Variants in CACNA2D1 observed in about 807,000 individuals in gnomAD.
The protein encoded by CACNA2D1 is calcium voltage-gated channel auxiliary subunit alpha2delta 1.
Under a neutral mutation model 171.5 loss-of-function variants are expected in CACNA2D1, and 53 were observed. The observed-to-expected ratio is 0.31, with a 90% CI of 0.25 to 0.39. The LOEUF (loss-of-function observed/expected upper bound fraction) is 0.39, where lower values mean the gene tolerates loss of function less well. Ranked by LOEUF, CACNA2D1 falls within the 10% of genes least tolerant of loss-of-function variation. The pLI, the probability that CACNA2D1 is intolerant of heterozygous loss-of-function variation, is 1.00. For missense variants in CACNA2D1, 903 were observed against 1,299.8 expected (o/e 0.69, Z 4.69); for synonymous variants, 442 against 443.1 (o/e 1.00, Z 0.03).
At chr7:82,389,580 C>T (rs1266379457) in intron 1 of CACNA2D1, among the ~76,000 whole-genome samples, 2 of 152,118 alleles carry the variant, frequency 1.3e-5, no homozygotes, top group Admixed American at 6.5e-5. Context: ...CTCCCTGCCC[C>T]CTGACATTTC....
chr7:82,065,235 C>CA (rs1807463989), intron 8 of CACNA2D1, among the ~76,000 whole-genome samples: 1 of 152,144 alleles, frequency 6.6e-6, no homozygotes, highest in African/African-American at 2.4e-5. Flanking sequence ...GTTGAGGAAG[C>CA]AGTTGGAGTT....
chr7:82,053,469 TAAAC>T (rs887820462), intron 10 of CACNA2D1, among the ~76,000 whole-genome samples: 14 of 152,068 alleles, frequency 9.2e-5, no homozygotes, highest in African/African-American at 3.1e-4. Context: ...ATAATAAAAT[TAAAC>T]AAAAGTGTAC....
intron 3 of CACNA2D1, among the ~76,000 whole-genome samples, chr7:82,307,189 G>A (rs887604865): frequency 6.6e-6 from 1 of 152,038 alleles, no homozygotes; most frequent in Non-Finnish European, 1.5e-5. Flanking sequence ...ATAGAGTCTT[G>A]TTCTGTTGCC....
intron 15 of CACNA2D1, chr7:82,009,373 G>A (rs1266801379): frequency 2.0e-5 from 3 of 152,178 alleles, no homozygotes; most frequent in Admixed American, 2.0e-4. Flanking sequence ...CGCTTATAAA[G>A]TCCTAACCAA....
intron 5 of CACNA2D1, among the ~76,000 whole-genome samples, chr7:82,128,740 C>T (rs930524281): frequency 6.6e-6 from 1 of 152,126 alleles, no homozygotes; most frequent in Non-Finnish European, 1.5e-5. Context: ...ATGTACTAAT[C>T]TCATGACCTT....
intron 3 of CACNA2D1, among the ~76,000 whole-genome samples, chr7:82,174,211 C>A (rs1796334739): frequency 6.6e-6 from 1 of 150,948 alleles, no homozygotes; most frequent in Non-Finnish European, 1.5e-5. Context: ...TGATTTATGG[C>A]ACAGCATAAT....
intron 4 of CACNA2D1, among the ~76,000 whole-genome samples, chr7:82,163,847 C>T (rs1795187659): frequency 6.6e-6 from 1 of 151,808 alleles, no homozygotes; most frequent in South Asian, 2.1e-4. Flanking sequence ...TGAGACAAAC[C>T]CTGGGGTTTC....
At chr7:82,344,203 T>C (rs759431077) in intron 2 of CACNA2D1, among the ~76,000 whole-genome samples, 19 of 152,206 alleles carry the variant, frequency 1.2e-4, no homozygotes, top group Non-Finnish European at 2.4e-4. Flanking sequence ...GCCCCAGTTA[T>C]GATAATCACA....
intron 3 of CACNA2D1, among the ~76,000 whole-genome samples, chr7:82,254,359 A>G (rs542049800): frequency 6.6e-6 from 1 of 152,120 alleles, no homozygotes; most frequent in Admixed American, 6.5e-5. Context: ...TTTGCTTTAA[A>G]CCTTTCTTTG....
At chr7:82,324,672 T>G (rs966819375) in intron 3 of CACNA2D1, among the ~76,000 whole-genome samples, 1 of 152,122 alleles carries the variant, frequency 6.6e-6, no homozygotes, top group Non-Finnish European at 1.5e-5. Context: ...TGATGGTGTA[T>G]CTGGGGCTTT....
intron 3 of CACNA2D1, among the ~76,000 whole-genome samples, chr7:82,195,086 A>G (rs993216712): frequency 6.6e-6 from 1 of 151,994 alleles, no homozygotes; most frequent in African/African-American, 2.4e-5. Flanking sequence ...TTTTATCTCA[A>G]CTCAATGATT....
chr7:82,008,406 A>G (rs1799368075), intron 15 of CACNA2D1, among the ~76,000 whole-genome samples: 1 of 152,124 alleles, frequency 6.6e-6, no homozygotes, highest in African/African-American at 2.4e-5. Context: ...AGCATCAAAT[A>G]TAAAAGTCTA....
intron 6 of CACNA2D1, among the ~76,000 whole-genome samples, chr7:82,101,676 G>A (rs1812694847): frequency 6.6e-6 from 1 of 151,966 alleles, no homozygotes; most frequent in African/African-American, 2.4e-5. Context: ...TTGCAGTAAT[G>A]GTATTAGAAT....
intron 38 of CACNA2D1, among the ~76,000 whole-genome samples, chr7:81,956,223 C>A (rs761365157): frequency 4.6e-5 from 7 of 151,718 alleles, no homozygotes; most frequent in Non-Finnish European, 8.8e-5. Context: ...ATGCACCCAC[C>A]TCGGCCTCCC....
chr7:82,210,941 A>C (rs1330529926), intron 3 of CACNA2D1, among the ~76,000 whole-genome samples: 1 of 152,200 alleles, frequency 6.6e-6, no homozygotes, highest in Non-Finnish European at 1.5e-5. Flanking sequence ...ATGCAGTAGA[A>C]AAAAATACCT....
chr7:81,994,065 G>T lies in CACNA2D1; in HGVS notation c.1734+803C>A, dbSNP rs76706185. Among the ~76,000 whole-genome samples the T allele has an allele frequency of 1.6e-3, 243 of 152,156 alleles. 5 individuals carry two copies. The East Asian group carries it at 0.017, about 11-fold the overall frequency. On this transcript the variant is annotated intron_variant, in intron 20 of 38. Coordinates refer to ENST00000356860, the MANE Select transcript of CACNA2D1 (RefSeq NM_000722.4). ...CCTAGCTCACCTTCCACCTAGGGAA[G>T]GATCTGATGAGGAATTTCAGAGGAA... is the stretch of plus-strand genomic sequence containing the variant.
chr7:81,987,165 T>C (rs1257180014), intron 21 of CACNA2D1, among the ~76,000 whole-genome samples: 1 of 152,174 alleles, frequency 6.6e-6, no homozygotes, highest in Non-Finnish European at 1.5e-5. Flanking sequence ...GTCCGTTCTA[T>C]AGAAAAACAT....
chr7:81,977,279 G>A (rs570032938), intron 24 of CACNA2D1, among the ~76,000 whole-genome samples: 29 of 152,110 alleles, frequency 1.9e-4, no homozygotes, highest in Non-Finnish European at 2.9e-4. Context: ...GAATTTCGTC[G>A]AAGGCCTTTT....
At chr7:82,355,000 T>C (rs1820263120) in intron 1 of CACNA2D1, among the ~76,000 whole-genome samples, 1 of 152,202 alleles carries the variant, frequency 6.6e-6, no homozygotes, top group South Asian at 2.1e-4. Context: ...AATTTTATCA[T>C]AATATTTATA....
Sources: allele counts gnomAD v4.1 joint callset (sites outside exome capture counted in the v4.1 genomes callset), GRCh38; gene constraint gnomAD v4.1.1; transcripts MANE v1.5; gene names NCBI Gene and HGNC (gene_info 2026-07-23, HGNC 2026-07-21).